Variants in FSHR observed in about 807,000 individuals in gnomAD.
The protein encoded by FSHR is follicle-stimulating hormone receptor.
In FSHR, 46 loss-of-function variants were observed where a neutral mutation model predicts 52.1. The observed-to-expected ratio is 0.88, with a 90% confidence interval of 0.70 to 1.13. FSHR has a LOEUF of 1.13. Ranked by LOEUF, FSHR falls within the 50% of genes most tolerant of loss-of-function variation. The probability of loss-of-function intolerance (pLI) is 0.00; values close to 1 mark genes in which losing one functional copy is unlikely to be tolerated. For missense variants in FSHR, 964 were observed against 834.6 expected (o/e 1.16, Z -1.91); for synonymous variants, 399 against 309.6 (o/e 1.29, Z -3.03).
At chr2:49,055,731 G>A (rs1669039575) in intron 2 of FSHR, among the ~76,000 whole-genome samples, 1 of 151,946 alleles carries the variant, frequency 6.6e-6, no homozygotes, top group Admixed American at 6.6e-5. Context: ...AAACATTACA[G>A]GCCAGGGGAG....
chr2:49,009,502 T>C (rs7426210), intron 4 of FSHR, among the ~76,000 whole-genome samples: 71,688 of 107,574 alleles, frequency 0.67, 24,225 homozygotes, highest in Non-Finnish European at 0.73. Context: ...ATTGACTTGG[T>C]GATGCGGGCT....
At chr2:49,060,504 GT>G (rs1371458348) in intron 2 of FSHR, among the ~76,000 whole-genome samples, 1 of 152,138 alleles carries the variant, frequency 6.6e-6, no homozygotes, top group Non-Finnish European at 1.5e-5. Context: ...CTAAGCTGAT[GT>G]GACACTCTGC....
intron 1 of FSHR, among the ~76,000 whole-genome samples, chr2:49,126,784 C>T (rs1672013334): frequency 6.6e-6 from 1 of 152,216 alleles, no homozygotes; most frequent in African/African-American, 2.4e-5. Context: ...CAGGTCTTTT[C>T]ACTTCTAATC....
chr2:49,142,558 G>T (rs1030276259), intron 1 of FSHR, among the ~76,000 whole-genome samples: 6 of 152,222 alleles, frequency 3.9e-5, no homozygotes, highest in Non-Finnish European at 8.8e-5. Flanking sequence ...ACCTCAAACA[G>T]TGCCTGTCAT....
chr2:49,084,798 G>A (rs1670313690), intron 1 of FSHR, among the ~76,000 whole-genome samples: 1 of 152,152 alleles, frequency 6.6e-6, no homozygotes, highest in Non-Finnish European at 1.5e-5. Context: ...AAACCAGGAA[G>A]AAGTTGAATC....
At chr2:49,114,154 A>G (rs1038986125) in intron 1 of FSHR, among the ~76,000 whole-genome samples, 8 of 152,170 alleles carry the variant, frequency 5.3e-5, no homozygotes, top group Non-Finnish European at 8.8e-5. Context: ...CACAGAGACC[A>G]CTGTGCAAAC....
chr2:49,103,906 G>A (rs918619767), intron 1 of FSHR, among the ~76,000 whole-genome samples: 2 of 151,678 alleles, frequency 1.3e-5, no homozygotes, highest in African/African-American at 4.8e-5. Context: ...CTTTTAGTGT[G>A]CCTTGCTGCC....
At chr2:48,968,923 A>T (rs1674606356) in intron 8 of FSHR, 40 bp from the exon 9 acceptor site, 1 of 1,586,842 alleles carries the variant, frequency 6.3e-7, no homozygotes, top group African/African-American at 1.3e-5. Context: ...ATTACTATGG[A>T]CCTAAAACTT....
intron 2 of FSHR, among the ~76,000 whole-genome samples, chr2:49,030,639 C>G (rs1410971409): frequency 6.6e-6 from 1 of 152,176 alleles, no homozygotes; most frequent in African/African-American, 2.4e-5. Context: ...TATTTTATCC[C>G]TTGGAAGCCT....
intron 2 of FSHR, among the ~76,000 whole-genome samples, chr2:49,053,111 C>G (rs534254414): frequency 3.5e-4 from 53 of 152,248 alleles, no homozygotes; most frequent in African/African-American, 1.3e-3. Flanking sequence ...GCAAATAAAT[C>G]ACTTGATTAT....
rs148626637 is a variant in FSHR, at chr2:48,962,848, G to A, written c.1973C>T (p.Thr658Ile). ...ATGGGTGTTGTGGACAGTGGATGAA[G>A]TTTCTGTCCTATAAATTTGGGCTTG... ...EMQAQIYRTE[T>I]SSTVHNTHPR... is the part of the protein sequence containing the mutation. Residue 658 changes from threonine to isoleucine, a missense_variant, in exon 10 of 10, where the codon ACT becomes ATT. Transcript: ENST00000406846. 3.1e-6 allele frequency: 5 copies of A among 1,614,042 alleles called. No homozygotes were observed. Among genetic ancestry groups the A allele is most frequent in the Admixed American group, 1.7e-5 (1 of 60,002 alleles).
At chr2:49,060,171 AT>A (rs1669233273) in intron 2 of FSHR, among the ~76,000 whole-genome samples, 1 of 152,166 alleles carries the variant, frequency 6.6e-6, no homozygotes, top group South Asian at 2.1e-4. Context: ...ACCATTTGGG[AT>A]GGTTATTAAA....
At chr2:49,052,829 T>A (rs995012332) in intron 2 of FSHR, among the ~76,000 whole-genome samples, 1 of 152,182 alleles carries the variant, frequency 6.6e-6, no homozygotes, top group Non-Finnish European at 1.5e-5. Flanking sequence ...AAGGGGGTGC[T>A]CTGAAGGGCA....
At chr2:48,971,389 G>A (rs1674733710) in intron 8 of FSHR, among the ~76,000 whole-genome samples, 1 of 152,148 alleles carries the variant, frequency 6.6e-6, no homozygotes, top group Non-Finnish European at 1.5e-5. Context: ...ACAGATCCTT[G>A]GAGGATCCAG....
intron 2 of FSHR, among the ~76,000 whole-genome samples, chr2:49,060,900 G>A (rs1363879623): frequency 6.6e-6 from 1 of 152,066 alleles, no homozygotes; most frequent in Non-Finnish European, 1.5e-5. Flanking sequence ...CTAGAATGCT[G>A]CTAAGCCCCA....
At position 49,040,610 on chromosome 2, in the gene FSHR, G is replaced by A. The variant is rs187610599; in HGVS notation, c.225-20450C>T. On this transcript the variant is annotated intron_variant, in intron 2 of 9. Transcript: ENST00000406846. ...TGAAATGGTTGTCTATGTGGAGAGA[G>A]GTATGGTACAGTGCAGGCAAGGGAA... Among the ~76,000 whole-genome samples the A allele has an allele frequency of 2.6e-5, 4 of 152,216 alleles. No homozygotes were observed. In the East Asian group the frequency reaches 7.7e-4, roughly 29 times the overall value.
In FSHR at chr2:49,018,157, G is replaced by C. The variant is rs575795957; in HGVS notation, c.300-594C>G. On this transcript the variant is annotated intron_variant, in intron 3 of 9. Transcript: ENST00000406846. ...TTTTGCTTTTAAGCATGAAATCCAA[G>C]CATACAGTAGCTGGGAATGGCCATT... is the stretch of plus-strand genomic sequence containing the variant. Among the ~76,000 whole-genome samples the C allele has an allele frequency of 2.6e-5, 4 of 152,268 alleles. No individual in the cohort carries two copies. In the South Asian group the frequency reaches 8.3e-4, roughly 32 times the overall value.
chr2:48,994,748 C>T (rs1675947226), intron 4 of FSHR, among the ~76,000 whole-genome samples: 1 of 152,050 alleles, frequency 6.6e-6, no homozygotes, highest in Non-Finnish European at 1.5e-5. Flanking sequence ...GGTTTATCTT[C>T]AAAAAACAGT....
At position 48,968,864 on chromosome 2, in the gene FSHR, T is replaced by C. The variant is rs367711694; in HGVS notation, c.688A>G (p.Ile230Val). ...PVILDISRTR[I>V]HSLPSYGLEN... ...AAGCCATAGCTAGGCAGGGAATGGA[T>C]CCTTGTTCTTGAAATATCTCTATAA... Residue 230 changes from isoleucine (I) to valine (V), a missense_variant, in exon 9 of 10, where the codon ATC becomes GTC. Physicochemically the swap from Ile to Val is conservative, Grantham distance 29. Transcript: ENST00000406846. The C allele has an allele frequency of 4.6e-5, 75 of 1,613,582 alleles. No homozygotes were observed. Among genetic ancestry groups the C allele is most frequent in the Non-Finnish European group, 6.3e-5 (74 of 1,179,924 alleles).
Sources: gnomAD v4.1 joint callset for allele counts (sites outside exome capture counted in the v4.1 genomes callset) on GRCh38, gnomAD v4.1.1 for gene constraint, MANE v1.5 for transcripts, NCBI Gene and HGNC (gene_info 2026-07-23, HGNC 2026-07-21) for gene names.